Variants in ZDHHC9 observed in about 807,000 individuals in gnomAD.
The protein encoded by ZDHHC9 is palmitoyltransferase ZDHHC9.
In ZDHHC9, 3 loss-of-function variants were observed where a neutral mutation model predicts 26.6. The observed-to-expected ratio is 0.11, with a 90% confidence interval of 0.05 to 0.29. The LOEUF (loss-of-function observed/expected upper bound fraction) is 0.29, where lower values mean the gene tolerates loss of function less well. Among genes scored for constraint, ZDHHC9 ranks in the 10% least tolerant of loss-of-function variants. The pLI, the probability that ZDHHC9 is intolerant of heterozygous loss-of-function variation, is 1.00. For synonymous variants in ZDHHC9, 111 were observed against 109.4 expected (o/e 1.01, Z -0.09); for missense variants, 146 against 296.4 (o/e 0.49, Z 3.73).
intron 9 of ZDHHC9, 46 bp downstream of exon 9, chrX:129,811,360 A>G: frequency 1.9e-6 from 2 of 1,074,235 alleles, no homozygotes; most frequent in Non-Finnish European, 2.6e-6. Context: ...GATCAGGTTG[A>G]GCTGCTCATC....
At chrX:129,835,580 C>T (rs975747157) in intron 3 of ZDHHC9, among the ~76,000 whole-genome samples, 2 of 110,969 alleles carry the variant, frequency 1.8e-5, no homozygotes, top group Non-Finnish European at 3.8e-5. Context: ...GTCAGGAGTT[C>T]GAGACCAGCC....
chrX:129,814,509 CA>C (rs1236374682), intron 6 of ZDHHC9, 148 bp downstream of exon 6: 2 of 835,451 alleles, frequency 2.4e-6, no homozygotes, highest in Non-Finnish European at 3.5e-6. Flanking sequence ...CAACCCTGCT[CA>C]AGAGCAGATA....
At chrX:129,828,109 G>A (rs895477474) in intron 4 of ZDHHC9, among the ~76,000 whole-genome samples, 2 of 112,056 alleles carry the variant, frequency 1.8e-5, no homozygotes, top group Non-Finnish European at 3.8e-5. Context: ...GAGCCACAGC[G>A]CCCGGCCTAA....
Position 129,806,924 on chromosome X carries a change from G to A in ZDHHC9, c.979-438C>T, listed in dbSNP as rs760226299. On this transcript the variant is annotated intron_variant, in intron 10 of 10. Coordinates refer to ENST00000357166, the MANE Select transcript of ZDHHC9 (RefSeq NM_016032.4). ...TCCAAATTTTCAGCTGGTCATATGT[G>A]GTTTGAAAATGTCCCCAAGTGATTC... Among the ~76,000 whole-genome samples the A allele has an allele frequency of 3.1e-4, 35 of 111,354 alleles. No individual in the cohort carries two copies. The Middle Eastern group carries it at 0.014, about 44-fold the overall frequency.
intron 4 of ZDHHC9, among the ~76,000 whole-genome samples, chrX:129,824,331 T>C (rs1280971559): frequency 9.0e-6 from 1 of 111,572 alleles, no homozygotes; most frequent in Admixed American, 9.6e-5. Flanking sequence ...TCGCCCAGGC[T>C]GGAGTGCAGT....
At chrX:129,806,555 GACACTGA>G in intron 10 of ZDHHC9, 69 bp from the exon 11 acceptor site, 1 of 949,615 alleles carries the variant, frequency 1.1e-6, no homozygotes, top group Non-Finnish European at 1.5e-6. Flanking sequence ...ATAAACCTTA[GACACTGA>G]ACTCTTCCTC....
Position 129,803,870 on chromosome X carries a change from C to T in ZDHHC9, c.*2500G>A, listed in dbSNP as rs1028074330. On this transcript the variant is annotated 3_prime_UTR_variant, in exon 11 of 11. Transcript: ENST00000357166. ...TTGAAAAGACCAAACAATTTAAGGC[C>T]CTTTTCCCCTGGGAACATTGATTCT... The T allele has an allele frequency of 1.8e-5, 2 of 111,614 alleles. No individual in the cohort carries two copies. Among genetic ancestry groups the T allele is most frequent in the African/African-American group, 6.5e-5 (2 of 30,669 alleles). The allele number at this position is 111,614 out of a possible 1,213,427, so 9.2% of individuals were successfully genotyped here. A position where few individuals can be genotyped will look rare whatever the true frequency, so the allele number is the denominator to read the frequency against.
chrX:129,833,075 C>T (rs1928184235), intron 3 of ZDHHC9, among the ~76,000 whole-genome samples: 1 of 110,643 alleles, frequency 9.0e-6, no homozygotes, highest in Non-Finnish European at 1.9e-5. Context: ...CCATATACTT[C>T]TTAAAACAGA....
chrX:129,818,812 C>T (rs143759143), intron 5 of ZDHHC9, among the ~76,000 whole-genome samples: 295 of 111,575 alleles, frequency 2.6e-3, no homozygotes, highest in Non-Finnish European at 4.4e-3. Context: ...ATACTTTCTG[C>T]ACTTCCCATA....
intron 4 of ZDHHC9, among the ~76,000 whole-genome samples, chrX:129,827,251 A>AAAGG (rs752889794): frequency 5.8e-5 from 5 of 85,628 alleles, no homozygotes; most frequent in Non-Finnish European, 8.9e-5. Flanking sequence ...AAGGAAGGAA[A>AAAGG]AAGGAAGGAA....
intron 4 of ZDHHC9, among the ~76,000 whole-genome samples, chrX:129,827,063 G>A (rs1004393764): frequency 1.8e-5 from 2 of 109,381 alleles, no homozygotes; most frequent in African/African-American, 6.7e-5. Context: ...GAGTGGTGGC[G>A]GGTGCCCATA....
rs929882677 is a variant in ZDHHC9 at position 129,805,474 on chromosome X, T to C, written c.*896A>G. ...TAGTGTTTAAGTGAGCACTCAGGCT[T>C]CCTCTGAGGAAAAGAAATGACCAAA... is the stretch of plus-strand genomic sequence containing the variant. On this transcript the variant is annotated 3_prime_UTR_variant, in exon 11 of 11. Coordinates refer to ENST00000357166, the MANE Select transcript of ZDHHC9 (RefSeq NM_016032.4). 2.7e-5 allele frequency: 3 copies of C among 111,128 alleles called. No individual in the cohort carries two copies. In the Admixed American group the frequency reaches 2.8e-4, roughly 11 times the overall value. 9.2% of individuals were successfully genotyped at this position (111,128 alleles called of 1,213,427 possible).
At chrX:129,828,938 C>T (rs1279587377) in intron 4 of ZDHHC9, 43 bp downstream of exon 4, 2 of 1,208,474 alleles carry the variant, frequency 1.7e-6, no homozygotes, top group East Asian at 5.9e-5. Context: ...CTGATTAGGG[C>T]CACCCACTAC....
chrX:129,819,172 C>CAAAAAAAA (rs10555509), intron 5 of ZDHHC9, among the ~76,000 whole-genome samples: 21 of 36,076 alleles, frequency 5.8e-4, no homozygotes, highest in African/African-American at 2.4e-3. Flanking sequence ...GCCTCCGTCT[C>CAAAAAAAA]AAAAAAAAAA....
At chrX:129,816,174 T>G (rs769665841) in intron 5 of ZDHHC9, among the ~76,000 whole-genome samples, 13 of 111,994 alleles carry the variant, frequency 1.2e-4, no homozygotes, top group Admixed American at 4.8e-4. Flanking sequence ...TGGCCCTCCG[T>G]ATCAACAGGT....
chrX:129,837,215 C>T (rs1928280726), intron 3 of ZDHHC9, among the ~76,000 whole-genome samples: 1 of 111,780 alleles, frequency 8.9e-6, no homozygotes, highest in African/African-American at 3.3e-5. Flanking sequence ...AATTCAGCAA[C>T]ACTTATTGGC....
rs185917523 is a variant in ZDHHC9, at chrX:129,806,432, C to T, written c.1033G>A (p.Glu345Lys). 44 of 1,209,930 alleles carry T rather than the reference C, an allele frequency of 3.6e-5. No homozygotes were observed. The East Asian group carries it at 8.0e-4, about 22-fold the overall frequency. The part of the protein sequence containing the change: ...NEMPEDSSTP[E>K]EMPPPEPPEP... Reference sequence around the variant, plus strand: ...GGGGGCTCTGGAGGTGGCATCTCTTCGGGAGTGCTGCTGTCCTCCGGCATC... The same window carrying T: ...GGGGGCTCTGGAGGTGGCATCTCTTTGGGAGTGCTGCTGTCCTCCGGCATC... The change falls in exon 11 of 11, where the codon GAA becomes AAA. Residue 345 changes from glutamate (E) to lysine (K), a missense_variant. Physicochemically the swap from Glu to Lys is moderately conservative, Grantham distance 56. Transcript: ENST00000357166.
At chrX:129,821,276 T>G (rs1927877902) in intron 5 of ZDHHC9, among the ~76,000 whole-genome samples, 1 of 109,243 alleles carries the variant, frequency 9.2e-6, no homozygotes, top group Admixed American at 9.8e-5. Context: ...GCAATCCCAT[T>G]ACTGGGTATA....
intron 5 of ZDHHC9, among the ~76,000 whole-genome samples, chrX:129,817,254 C>T (rs1026994767): frequency 9.0e-5 from 10 of 110,822 alleles, no homozygotes; most frequent in African/African-American, 2.9e-4. Context: ...AGTTTGAGAC[C>T]AGCCTGGCCA....
Sources: allele counts gnomAD v4.1 joint callset (sites outside exome capture counted in the v4.1 genomes callset), GRCh38; gene constraint gnomAD v4.1.1; transcripts MANE v1.5; gene names NCBI Gene and HGNC (gene_info 2026-07-23, HGNC 2026-07-21).